The following DLG2 variants were observed in gnomAD, a reference collection of about 807,000 sequenced individuals.
DLG2 encodes discs large MAGUK scaffold protein 2.
A neutral mutation model predicts 132.5 loss-of-function variants in DLG2; 45 were observed. That is an observed-to-expected ratio of 0.34 (90% CI 0.27 to 0.44). The LOEUF is 0.44. Ranked by LOEUF, DLG2 falls within the 20% of genes least tolerant of loss-of-function variation. The pLI, the probability that DLG2 is intolerant of heterozygous loss-of-function variation, is 1.00. For missense variants in DLG2, 1,045 were observed against 1,196.9 expected (o/e 0.87, Z 1.87); for synonymous variants, 424 against 419.6 (o/e 1.01, Z -0.13).
At chr11:83,957,436 T>C (rs144014372) in intron 14 of DLG2, among the ~76,000 whole-genome samples, 4 of 152,322 alleles carry the variant, frequency 2.6e-5, no homozygotes, top group East Asian at 1.9e-4. Context: ...CTCTGAGATA[T>C]AGCTCGGATT....
At chr11:83,922,917 G>C (rs1482305604) in intron 15 of DLG2, among the ~76,000 whole-genome samples, 1 of 152,122 alleles carries the variant, frequency 6.6e-6, no homozygotes, top group Non-Finnish European at 1.5e-5. Flanking sequence ...CTCCTGAGAA[G>C]AAACATGTAA....
At chr11:84,895,063 T>TA (rs1489473873) in intron 6 of DLG2, among the ~76,000 whole-genome samples, 10 of 152,212 alleles carry the variant, frequency 6.6e-5, no homozygotes, top group African/African-American at 9.6e-5. Context: ...TATTCTCATC[T>TA]AAAATTTAAT....
intron 6 of DLG2, among the ~76,000 whole-genome samples, chr11:84,945,221 T>C (rs750335079): frequency 2.6e-5 from 4 of 152,212 alleles, no homozygotes; most frequent in Non-Finnish European, 5.9e-5. Context: ...TAACTGACTA[T>C]TGTGATCTAA....
At chr11:84,270,579 G>A (rs1220655091) in intron 7 of DLG2, among the ~76,000 whole-genome samples, 1 of 152,124 alleles carries the variant, frequency 6.6e-6, no homozygotes, top group East Asian at 1.9e-4. Context: ...TTTATGTCAG[G>A]TTTATTGTTA....
chr11:83,658,934 A>G (rs1484677825), intron 18 of DLG2, among the ~76,000 whole-genome samples: 2 of 152,190 alleles, frequency 1.3e-5, no homozygotes, highest in Non-Finnish European at 2.9e-5. Flanking sequence ...ACAGAAGTAG[A>G]CACTTGCTCC....
chr11:84,404,680 C>G (rs909745969), intron 7 of DLG2, among the ~76,000 whole-genome samples: 1 of 152,014 alleles, frequency 6.6e-6, no homozygotes, highest in East Asian at 1.9e-4. Context: ...ATGCTGTAAA[C>G]TCCCTGATTT....
chr11:83,780,529 T>C (rs1334734705), intron 18 of DLG2, among the ~76,000 whole-genome samples: 1 of 152,212 alleles, frequency 6.6e-6, no homozygotes, highest in Non-Finnish European at 1.5e-5. Flanking sequence ...TGACTTTCCC[T>C]TGGTTCATAG....
chr11:85,286,023 C>A, intron 3 of DLG2: 2 of 375,970 alleles, frequency 5.3e-6, no homozygotes, highest in South Asian at 2.0e-5. Flanking sequence ...CAGACTGTTA[C>A]AAAGGAATGT....
intron 7 of DLG2, among the ~76,000 whole-genome samples, chr11:84,262,858 C>A (rs1301134015): frequency 2.0e-5 from 3 of 152,142 alleles, no homozygotes; most frequent in Non-Finnish European, 2.9e-5. Context: ...GCTGTTAATT[C>A]ATTCCTTTTT....
At chr11:85,034,058 A>G (rs981437382) in intron 6 of DLG2, among the ~76,000 whole-genome samples, 21 of 150,274 alleles carry the variant, frequency 1.4e-4, no homozygotes, top group African/African-American at 4.9e-4. Flanking sequence ...TCCAGCTAGT[A>G]TTGTCCTGAG....
intron 6 of DLG2, among the ~76,000 whole-genome samples, chr11:84,715,413 T>C (rs2061105745): frequency 6.6e-6 from 1 of 152,028 alleles, no homozygotes; most frequent in Non-Finnish European, 1.5e-5. Flanking sequence ...ATCTACTCTC[T>C]TAGCAAATTT....
chr11:83,671,754 C>T (rs1228797255), intron 18 of DLG2, among the ~76,000 whole-genome samples: 1 of 152,100 alleles, frequency 6.6e-6, no homozygotes, highest in Non-Finnish European at 1.5e-5. Context: ...CAGCGTGTAG[C>T]TCTAAAAGAT....
At chr11:83,886,593 C>T (rs1462897705) in intron 15 of DLG2, among the ~76,000 whole-genome samples, 2 of 151,946 alleles carry the variant, frequency 1.3e-5, no homozygotes, top group African/African-American at 4.8e-5. Context: ...CTGCACCAAG[C>T]AGACCTAATA....
At chr11:84,436,546 T>G (rs752740222) in intron 7 of DLG2, among the ~76,000 whole-genome samples, 1 of 152,190 alleles carries the variant, frequency 6.6e-6, no homozygotes, top group Non-Finnish European at 1.5e-5. Context: ...TTTGTTACCT[T>G]TGGAAGTTTC....
At chr11:83,515,701 C>A (rs2140174157) in intron 21 of DLG2, among the ~76,000 whole-genome samples, 1 of 152,268 alleles carries the variant, frequency 6.6e-6, no homozygotes, top group Admixed American at 6.5e-5. Flanking sequence ...TTGAATGTGT[C>A]CCAGAGATTC....
intron 7 of DLG2, among the ~76,000 whole-genome samples, chr11:84,351,658 C>T (rs920766404): frequency 2.0e-5 from 3 of 152,056 alleles, no homozygotes; most frequent in African/African-American, 7.2e-5. Flanking sequence ...CCTTTATTGT[C>T]CTTTTAGAGA....
intron 19 of DLG2, among the ~76,000 whole-genome samples, chr11:83,628,617 A>G (rs2063027950): frequency 6.6e-6 from 1 of 152,156 alleles, no homozygotes; most frequent in Non-Finnish European, 1.5e-5. Context: ...ATAATGGTTG[A>G]CCCATAGAAA....
intron 6 of DLG2, among the ~76,000 whole-genome samples, chr11:85,087,409 T>C (rs1012054587): frequency 3.3e-5 from 5 of 152,204 alleles, no homozygotes; most frequent in Non-Finnish European, 7.3e-5. Flanking sequence ...GTATGAAGAA[T>C]GCTCCAGGCA....
chr11:85,241,926 A>G (rs1319118622), intron 4 of DLG2, among the ~76,000 whole-genome samples: 1 of 151,982 alleles, frequency 6.6e-6, no homozygotes, highest in Non-Finnish European at 1.5e-5. Context: ...GCCATGTCTC[A>G]TAAATCCATA....
Sources: gnomAD v4.1 joint callset for allele counts (sites outside exome capture counted in the v4.1 genomes callset) on GRCh38, gnomAD v4.1.1 for gene constraint, MANE v1.5 for transcripts, NCBI Gene and HGNC (gene_info 2026-07-23, HGNC 2026-07-21) for gene names.